SPINK5: variants seen among roughly 807,000 people sequenced by gnomAD.
SPINK5 encodes serine protease inhibitor Kazal-type 5.
SPINK5 carries 125 observed loss-of-function variants against 151.8 expected under a neutral mutation model. The observed-to-expected ratio is 0.82, with a 90% CI of 0.71 to 0.96. The LOEUF is 0.96. Ranked by LOEUF, SPINK5 falls within the 40% of genes least tolerant of loss-of-function variation. The pLI, the probability that SPINK5 is intolerant of heterozygous loss-of-function variation, is 0.00. For missense variants in SPINK5, 1,194 were observed against 1,291.9 expected, an observed-to-expected ratio of 0.92 and a Z score of 1.16; for synonymous variants, 374 against 395.3, an observed-to-expected ratio of 0.95 and a Z score of 0.64.
intron 26 of SPINK5, among the ~76,000 whole-genome samples, chr5:148,122,311 G>A (rs2113203488): frequency 6.6e-6 from 1 of 152,268 alleles, no homozygotes. Context: ...TGGTGGTTGT[G>A]AGACATTTAA....
At chr5:148,089,747 T>C (rs1254387082) in intron 7 of SPINK5, 126 bp downstream of exon 7, 1 of 1,385,314 alleles carries the variant, frequency 7.2e-7, no homozygotes, top group Non-Finnish European at 1.0e-6. Context: ...CACTGTGAAA[T>C]AGCCTTTCTC....
intron 10 of SPINK5, among the ~76,000 whole-genome samples, chr5:148,097,480 C>T (rs1753499759): frequency 6.6e-6 from 1 of 151,932 alleles, no homozygotes. Context: ...CATTATGTTC[C>T]TGAATATATT....
intron 8 of SPINK5, among the ~76,000 whole-genome samples, chr5:148,092,194 T>TGG (rs1753330399): frequency 6.6e-6 from 1 of 152,080 alleles, no homozygotes; most frequent in East Asian, 1.9e-4. Flanking sequence ...GGGCTTATGT[T>TGG]TTCCTAAAGG....
chr5:148,071,402 T>C (rs1752734030), intron 3 of SPINK5, among the ~76,000 whole-genome samples: 1 of 152,012 alleles, frequency 6.6e-6, no homozygotes, highest in Non-Finnish European at 1.5e-5. Flanking sequence ...CAGGACAAGA[T>C]TTAATAGAGG....
intron 4 of SPINK5, among the ~76,000 whole-genome samples, chr5:148,081,154 A>G (rs1358202480): frequency 6.6e-6 from 1 of 151,640 alleles, no homozygotes; most frequent in Non-Finnish European, 1.5e-5. Flanking sequence ...ACTGGAACAC[A>G]TATAGTCAGA....
intron 28 of SPINK5, chr5:148,125,087 A>G: frequency 2.1e-6 from 1 of 487,506 alleles, no homozygotes; most frequent in Non-Finnish European, 3.4e-6. Flanking sequence ...TCCTTGGGAG[A>G]AATATGGATT....
chr5:148,094,483 T>G lies in SPINK5; in HGVS notation c.794+2T>G. ...ATGTGCCCTGTGTGCTGAAATTTTG[T>G]GAGTATAGAAGTGGTTTTTTCAGAG... On this transcript the variant is annotated splice_donor_variant, in intron 9 of 32. Coordinates refer to ENST00000256084, the MANE Select transcript of SPINK5 (RefSeq NM_006846.4). LOFTEE classifies it high-confidence loss of function. 6.2e-7 allele frequency: 1 copy of G among 1,612,322 alleles called. No homozygotes were observed. Among genetic ancestry groups the G allele is most frequent in the Non-Finnish European group, 8.5e-7 (1 of 1,178,868 alleles).
chr5:148,099,476 T>A (rs1313936091), intron 12 of SPINK5, among the ~76,000 whole-genome samples, 161 bp downstream of exon 12: 1 of 145,294 alleles, frequency 6.9e-6, no homozygotes, highest in African/African-American at 2.6e-5. Flanking sequence ...ATTGATCCAT[T>A]CTTGCTGATT....
chr5:148,112,016 GA>G, intron 19 of SPINK5, 121 bp downstream of exon 19: 1 of 1,467,594 alleles, frequency 6.8e-7, no homozygotes, highest in Non-Finnish European at 9.4e-7. Flanking sequence ...TCTTTGCACT[GA>G]GTTTGGAAAT....
chr5:148,115,653 C>T (rs1193146726), intron 21 of SPINK5, among the ~76,000 whole-genome samples: 1 of 151,906 alleles, frequency 6.6e-6, no homozygotes. Flanking sequence ...GAGATGATTC[C>T]ACTGTTTTGT....
Position 148,086,389 on chromosome 5 carries a change from A to T in SPINK5, c.283-16A>T, listed in dbSNP as rs1358779795. On this transcript the variant is annotated splice_polypyrimidine_tract_variant and intron_variant, in intron 4 of 32. Transcript: ENST00000256084. ...GTTTCTTACATTTTGACGTTCCTTG[A>T]TCATGTCTTTTGCAGCTGAATTGTG... 1 of 1,609,184 alleles carries T rather than the reference A, an allele frequency of 6.2e-7. No individual in the cohort carries two copies. The highest frequency in any genetic ancestry group is 8.5e-7 in the Non-Finnish European group (1 of 1,178,042).
At chr5:148,110,787 C>T (rs1753904815) in intron 18 of SPINK5, among the ~76,000 whole-genome samples, 1 of 151,760 alleles carries the variant, frequency 6.6e-6, no homozygotes, top group Non-Finnish European at 1.5e-5. Context: ...TTAGCCCCCT[C>T]ATGCAAATAT....
chr5:148,133,708 C>A, intron 31 of SPINK5, 89 bp from the exon 32 acceptor site: 1 of 1,322,094 alleles, frequency 7.6e-7, no homozygotes, highest in Non-Finnish European at 1.1e-6. Context: ...TGGTTTGATA[C>A]CCAAGTGTCC....
intron 4 of SPINK5, 107 bp downstream of exon 4, chr5:148,072,327 A>G: frequency 2.5e-6 from 3 of 1,184,230 alleles, no homozygotes; most frequent in Non-Finnish European, 3.7e-6. Flanking sequence ...TTTGAAGCCA[A>G]CAACTTAGGA....
At chr5:148,081,180 A>G (rs887597158) in intron 4 of SPINK5, among the ~76,000 whole-genome samples, 1 of 151,646 alleles carries the variant, frequency 6.6e-6, no homozygotes, top group Admixed American at 6.6e-5. Flanking sequence ...GTAATATACA[A>G]GGTTACAGCC....
chr5:148,115,363 C>T (rs1754057825), intron 21 of SPINK5, among the ~76,000 whole-genome samples: 4 of 152,098 alleles, frequency 2.6e-5, no homozygotes, highest in Admixed American at 2.6e-4. Flanking sequence ...TGGGAAGCTG[C>T]AAAAGTTGTT....
chr5:148,072,051 G>A, intron 3 of SPINK5, 97 bp from the exon 4 acceptor site: 4 of 1,146,744 alleles, frequency 3.5e-6, no homozygotes, highest in Non-Finnish European at 5.2e-6. Flanking sequence ...AGGCTAGGCT[G>A]AGGAGAGCAG....
Position 148,095,910 on chromosome 5 carries a change from G to T in SPINK5, c.882+5G>T. ...AAAGTTAAAAGAGAAATTGTGGTGA[G>T]AATCAGTTTGATCAATCTAGTTACA... On this transcript the variant is annotated splice_donor_5th_base_variant and intron_variant, in intron 10 of 32. Coordinates refer to ENST00000256084, the MANE Select transcript of SPINK5 (RefSeq NM_006846.4). 1 of 1,607,906 alleles carries T rather than the reference G, an allele frequency of 6.2e-7. No individual in the cohort carries two copies. Among genetic ancestry groups the T allele is most frequent in the Non-Finnish European group, 8.5e-7 (1 of 1,175,682 alleles).
At chr5:148,070,534 A>G in intron 3 of SPINK5, 84 bp downstream of exon 3, 1 of 1,566,874 alleles carries the variant, frequency 6.4e-7, no homozygotes, top group African/African-American at 1.4e-5. Context: ...TTTTCTTTCA[A>G]GTGCATTTTT....
Sources: allele counts gnomAD v4.1 joint callset (sites outside exome capture counted in the v4.1 genomes callset), GRCh38; gene constraint gnomAD v4.1.1; transcripts MANE v1.5; gene names NCBI Gene and HGNC (gene_info 2026-07-23, HGNC 2026-07-21).